The following ZBTB25 variants were observed in gnomAD, a reference collection of about 807,000 sequenced individuals.
ZBTB25 encodes the protein zinc finger and BTB domain-containing protein 25.
ZBTB25 carries 20 observed loss-of-function variants against 34.2 expected under a neutral mutation model. The ratio of observed to expected loss-of-function variants is 0.58; its 90% CI spans 0.41 to 0.85. The LOEUF (loss-of-function observed/expected upper bound fraction) is 0.85, where lower values mean the gene tolerates loss of function less well. Ranked by LOEUF, ZBTB25 falls within the 40% of genes least tolerant of loss-of-function variation. The pLI, the probability that ZBTB25 is intolerant of heterozygous loss-of-function variation, is 0.00. For missense variants in ZBTB25, 437 were observed against 521.8 expected, an observed-to-expected ratio of 0.84 and a Z score of 1.58; for synonymous variants, 175 against 186.4, an observed-to-expected ratio of 0.94 and a Z score of 0.50.
intron 2 of ZBTB25, among the ~76,000 whole-genome samples, chr14:64,451,447 C>T (rs1403555756): frequency 6.6e-6 from 1 of 152,250 alleles, no homozygotes; most frequent in African/African-American, 2.4e-5. Flanking sequence ...AGATATAATA[C>T]ACTTACAGTT....
At chr14:64,458,412 A>G in intron 2 of ZBTB25, 1 of 829,318 alleles carries the variant, frequency 1.2e-6, no homozygotes, top group Admixed American at 1.8e-5. Flanking sequence ...TAATGCTTTC[A>G]AAACATTTCT....
At chr14:64,457,728 T>C (rs914806440) in intron 2 of ZBTB25, among the ~76,000 whole-genome samples, 12 of 152,154 alleles carry the variant, frequency 7.9e-5, no homozygotes, top group African/African-American at 2.9e-4. Flanking sequence ...AGTGCTAGGA[T>C]TATAGGCATG....
Position 64,485,244 on chromosome 14 carries a change from A to C in ZBTB25, c.*1679T>G, listed in dbSNP as rs1031384833. The C allele has an allele frequency of 1.0e-6, 1 of 985,466 alleles. No homozygotes were observed. Among genetic ancestry groups the C allele is most frequent in the Non-Finnish European group, 1.2e-6 (1 of 829,938 alleles). The allele number at this position is 985,466 out of a possible 1,614,324, so 61.0% of individuals were successfully genotyped here. A position where few individuals can be genotyped will look rare whatever the true frequency, so the allele number is the denominator to read the frequency against. ...CGCTGATGCTGTTGAATGTGTCAGGAAACGTCCTCAGAAGTGGAGGGAGCT... is the reference window on the plus strand; with the variant it reads ...CGCTGATGCTGTTGAATGTGTCAGGCAACGTCCTCAGAAGTGGAGGGAGCT... On this transcript the variant is annotated 3_prime_UTR_variant, in exon 3 of 3. Coordinates refer to ENST00000608382, the MANE Select transcript of ZBTB25 (RefSeq NM_006977.5).
chr14:64,449,529 G>C, exon 3 of ZBTB25: 1 of 1,614,164 alleles, frequency 6.2e-7, no homozygotes, highest in Non-Finnish European at 8.5e-7. Context: ...GCACTCACTG[G>C]GCAGAAGGGG....
chr14:64,468,474 G>C (rs371347589), intron 2 of ZBTB25: 1 of 1,614,116 alleles, frequency 6.2e-7, no homozygotes, highest in Admixed American at 1.7e-5. Context: ...GGGGCTGAAA[G>C]GCAGAAGGAA....
chr14:64,476,656 A>C (rs1160975473), downstream of ZBTB25, among the ~76,000 whole-genome samples: 2 of 152,176 alleles, frequency 1.3e-5, no homozygotes, highest in Non-Finnish European at 2.9e-5. Context: ...TGACAGAATG[A>C]CTAAGTTAGA....
In ZBTB25 at chr14:64,485,740, C is replaced by A; in HGVS notation, c.*1183G>T. ...GAAAATTAAAATCAACCCAGGAAGC[C>A]CCAAAAATCCTGACGCTGAGGGTAG... On this transcript the variant is annotated 3_prime_UTR_variant, in exon 3 of 3. Transcript: ENST00000608382. The A allele has an allele frequency of 1.0e-6, 1 of 985,220 alleles. No homozygotes were observed. The highest frequency in any genetic ancestry group is 1.2e-6 in the Non-Finnish European group (1 of 829,888). 61.0% of individuals were successfully genotyped at this position (985,220 alleles called of 1,614,324 possible).
At chr14:64,473,339 C>T (rs1266398087), downstream of ZBTB25, 1 of 167,078 alleles carries the variant, frequency 6.0e-6, no homozygotes, top group East Asian at 1.9e-4. Context: ...GCATAATTTT[C>T]CTTCAAGGTA....
chr14:64,505,055 G>A (rs2079622481), upstream of ZBTB25: 1 of 373,082 alleles, frequency 2.7e-6, no homozygotes, highest in Admixed American at 4.6e-5. Context: ...CGATCCGTGC[G>A]GGGAGCCGGA....
chr14:64,502,924 C>T, intron 1 of ZBTB25: 1 of 985,448 alleles, frequency 1.0e-6, no homozygotes, highest in Non-Finnish European at 1.2e-6. Context: ...GTGAGAGGAT[C>T]AACAGCTCTG....
At chr14:64,466,784 G>T (rs1566586106) in intron 2 of ZBTB25, among the ~76,000 whole-genome samples, 1 of 152,138 alleles carries the variant, frequency 6.6e-6, no homozygotes, top group Non-Finnish European at 1.5e-5. Context: ...TATAAAGAAT[G>T]AGTCCCTTTG....
At chr14:64,455,057 G>GTGGACCATCT in intron 2 of ZBTB25, 1 of 648,570 alleles carries the variant, frequency 1.5e-6, no homozygotes, top group Non-Finnish European at 2.8e-6. Context: ...AGCTCTTGCT[G>GTGGACCATCT]TGGACCATCT....
Position 64,481,558 on chromosome 14 carries a change from A to C in ZBTB25, c.*5365T>G, listed in dbSNP as rs887117130. 6.6e-6 allele frequency: 1 copy of C among 152,214 alleles called. No individual in the cohort carries two copies. The highest frequency in any genetic ancestry group is 1.5e-5 in the Non-Finnish European group (1 of 68,050). 9.4% of individuals were successfully genotyped at this position (152,214 alleles called of 1,614,324 possible). ...GTTTATATTTGATCCATTCTGACTA[A>C]ATGACTTTATTTAGCACAAAATAGA... On this transcript the variant is annotated 3_prime_UTR_variant, in exon 3 of 3. Coordinates refer to ENST00000608382, the MANE Select transcript of ZBTB25 (RefSeq NM_006977.5).
At chr14:64,495,024 C>T (rs982659977) in intron 1 of ZBTB25, among the ~76,000 whole-genome samples, 1 of 152,126 alleles carries the variant, frequency 6.6e-6, no homozygotes, top group Non-Finnish European at 1.5e-5. Context: ...TTCACATATA[C>T]AACATTTTGC....
intron 2 of ZBTB25, chr14:64,453,979 C>T: frequency 1.4e-6 from 1 of 712,046 alleles, no homozygotes; most frequent in Non-Finnish European, 2.6e-6. Context: ...GGGTGGCAGC[C>T]TTCTCTCCTC....
intron 2 of ZBTB25, chr14:64,461,545 G>A (rs1385828613): frequency 7.2e-6 from 1 of 139,446 alleles, no homozygotes; most frequent in Non-Finnish European, 1.5e-5. Context: ...TGTTTGCAGA[G>A]TTAATTGCTT....
chr14:64,465,300 T>C (rs2078598620), intron 2 of ZBTB25, among the ~76,000 whole-genome samples: 1 of 151,980 alleles, frequency 6.6e-6, no homozygotes, highest in Non-Finnish European at 1.5e-5. Context: ...CAGTGGAGAT[T>C]GGCGCCCGGG....
At chr14:64,505,147 G>A (rs2079625841), upstream of ZBTB25, 2 of 339,098 alleles carry the variant, frequency 5.9e-6, no homozygotes, top group Admixed American at 9.7e-5. Flanking sequence ...GGTCCCGGGC[G>A]TGCGGCCTCC....
chr14:64,504,866 T>A, upstream of ZBTB25: 1 of 396,930 alleles, frequency 2.5e-6, no homozygotes, highest in Non-Finnish European at 4.4e-6. Flanking sequence ...TCGCGGCCCC[T>A]TCGCCTTCGC....
Sources: allele counts gnomAD v4.1 joint callset (sites outside exome capture counted in the v4.1 genomes callset), GRCh38; gene constraint gnomAD v4.1.1; transcripts MANE v1.5; gene names NCBI Gene and HGNC (gene_info 2026-07-23, HGNC 2026-07-21).